Variants in NRIP1 observed in about 807,000 individuals in gnomAD.
NRIP1 encodes the protein nuclear receptor interacting protein 1.
In NRIP1, 28 loss-of-function variants were observed where a neutral mutation model predicts 75.0. The observed-to-expected ratio is 0.37, with a 90% CI of 0.28 to 0.51. The LOEUF (loss-of-function observed/expected upper bound fraction) is 0.51, where lower values mean the gene tolerates loss of function less well. Ranked by LOEUF, NRIP1 falls within the 20% of genes least tolerant of loss-of-function variation. The pLI, the probability that NRIP1 is intolerant of heterozygous loss-of-function variation, is 0.92. For synonymous variants in NRIP1, 526 were observed against 487.6 expected (o/e 1.08, Z -1.04); for missense variants, 1,435 against 1,343.7 (o/e 1.07, Z -1.06).
intron 1 of NRIP1, among the ~76,000 whole-genome samples, chr21:15,063,436 C>A (rs1291183233): frequency 6.6e-6 from 1 of 152,204 alleles, no homozygotes; most frequent in Admixed American, 6.5e-5. Context: ...AGGTGGAAAA[C>A]TGATGATTAA....
chr21:15,019,950 G>A (rs1160775378), intron 2 of NRIP1, among the ~76,000 whole-genome samples: 2 of 152,072 alleles, frequency 1.3e-5, no homozygotes, highest in Non-Finnish European at 2.9e-5. Flanking sequence ...TAAAACATGT[G>A]CACTCAAAAC....
chr21:15,050,512 G>T, intron 1 of NRIP1: 1 of 334,458 alleles, frequency 3.0e-6, no homozygotes, highest in Non-Finnish European at 5.9e-6. Context: ...TAGTATTTGT[G>T]TATCTTTAAA....
intron 1 of NRIP1, among the ~76,000 whole-genome samples, chr21:15,057,899 TTCAATACTC>T (rs2089340888): frequency 6.6e-6 from 1 of 152,114 alleles, no homozygotes; most frequent in Non-Finnish European, 1.5e-5. Flanking sequence ...CCCCAAAAAG[TTCAATACTC>T]TTCCTTTCCC....
At chr21:15,017,263 G>A (rs781186376) in intron 2 of NRIP1, among the ~76,000 whole-genome samples, 4 of 152,110 alleles carry the variant, frequency 2.6e-5, no homozygotes, top group Non-Finnish European at 1.5e-5. Flanking sequence ...TCGCTATGTT[G>A]CTCAGGCTGG....
rs780304102 is a variant in NRIP1, at chr21:14,961,284, C to T, written c.*3432G>A. The T allele has an allele frequency of 6.6e-6, 1 of 152,176 alleles. No individual in the cohort carries two copies. The highest frequency in any genetic ancestry group is 1.5e-5 in the Non-Finnish European group (1 of 67,864). 9.4% of individuals were successfully genotyped at this position (152,176 alleles called of 1,614,324 possible). ...TCAAATTCACTGCAGGAAGTAAACA[C>T]TAAAAGATTAAAAAACAAAACAAAA... On this transcript the variant is annotated 3_prime_UTR_variant, in exon 4 of 4. Coordinates refer to ENST00000318948, the MANE Select transcript of NRIP1 (RefSeq NM_003489.4).
chr21:15,031,403 C>T (rs112820602), intron 2 of NRIP1, among the ~76,000 whole-genome samples: 4 of 121,448 alleles, frequency 3.3e-5, no homozygotes, highest in Non-Finnish European at 3.4e-5. Context: ...GGAGGATCAC[C>T]ACATTCCCTT....
rs80214372 is a variant in NRIP1, at chr21:15,031,321, G to A, written c.-458+12174C>T. Among the ~76,000 whole-genome samples, 24 of 144,090 alleles carry A rather than the reference G, an allele frequency of 1.7e-4. No individual in the cohort carries two copies. The East Asian group carries it at 5.8e-3, about 35-fold the overall frequency. The allele number at this position is 144,090 out of a possible 152,430, so 94.5% of individuals were successfully genotyped here. ...GGTTCACCACATTCCCTTTCTATGT[G>A]TATACACTCTGGAAGGCGCTCGGAG... On this transcript the variant is annotated intron_variant, in intron 2 of 3. Coordinates refer to ENST00000318948, the MANE Select transcript of NRIP1 (RefSeq NM_003489.4).
chr21:14,968,931 G>C (rs757011440), intron 3 of NRIP1, among the ~76,000 whole-genome samples: 1 of 152,112 alleles, frequency 6.6e-6, no homozygotes, highest in Non-Finnish European at 1.5e-5. Flanking sequence ...TGGGCACTTA[G>C]GAAGAAACAA....
rs2086686319 is a variant in NRIP1 at position 14,964,994 on chromosome 21, T to C, written c.3199A>G (p.Ile1067Val). ...CCTTTTTGAAGCATGTAATATAGTA[T>C]TGGGTTGGTTTTGGTCAATCTTGGA... Reference protein sequence around the residue: ...DSPRLTKTNPILYYMLQKGGN... With the variant: ...DSPRLTKTNPVLYYMLQKGGN... The change falls in exon 4 of 4, where the codon ATA becomes GTA. Residue 1067 changes from isoleucine to valine, a missense_variant. Coordinates refer to ENST00000318948, the MANE Select transcript of NRIP1 (RefSeq NM_003489.4). 2 of 1,614,012 alleles carry C rather than the reference T, an allele frequency of 1.2e-6. No homozygotes were observed. The highest frequency in any genetic ancestry group is 1.7e-6 in the Non-Finnish European group (2 of 1,179,920).
Position 15,053,334 on chromosome 21 carries a change from AAAAT to A in NRIP1, c.-537-9764_-537-9761del, listed in dbSNP as rs770095691. Among the ~76,000 whole-genome samples the A allele has an allele frequency of 1.8e-4, 27 of 152,332 alleles. 1 individual carries two copies. Among genetic ancestry groups the A allele is most frequent in the Middle Eastern group, 3.4e-3 (1 of 294 alleles). Reference sequence around the variant, plus strand: ...GAATACCCATGGATGTGTAAAATGTAAAATAAATAGATAGATGTATGGTCAAAGC... The same window carrying A: ...GAATACCCATGGATGTGTAAAATGTAAAATAGATAGATGTATGGTCAAAGC... On this transcript the variant is annotated intron_variant, in intron 1 of 3. Coordinates refer to ENST00000318948, the MANE Select transcript of NRIP1 (RefSeq NM_003489.4).
chr21:15,057,749 C>T (rs2089337632), intron 1 of NRIP1, among the ~76,000 whole-genome samples: 2 of 152,176 alleles, frequency 1.3e-5, no homozygotes, highest in Non-Finnish European at 1.5e-5. Flanking sequence ...GGCAAGTTAA[C>T]TATTCTTGCA....
At position 14,966,060 on chromosome 21, in the gene NRIP1, A is replaced by T; in HGVS notation, c.2133T>A (p.Thr711=). 3 of 1,612,876 alleles carry T rather than the reference A, an allele frequency of 1.9e-6. No homozygotes were observed. In the South Asian group the frequency reaches 3.3e-5, roughly 18 times the overall value. Residue 711 remains threonine, a synonymous_variant, in exon 4 of 4, where the codon ACT becomes ACA. Coordinates refer to ENST00000318948, the MANE Select transcript of NRIP1 (RefSeq NM_003489.4). Reference sequence around the variant, plus strand: ...GGTTCCCCAGGAGCAACTGGAGGACAGTACGTCTTTCAAGCAGATTTTCTA... The same window carrying T: ...GGTTCCCCAGGAGCAACTGGAGGACTGTACGTCTTTCAAGCAGATTTTCTA... ...SEIENLLERR[T]VLQLLLGNPN... is the part of the protein sequence containing the mutation.
At chr21:15,006,494 A>G (rs2147139264) in intron 3 of NRIP1, among the ~76,000 whole-genome samples, 1 of 152,334 alleles carries the variant, frequency 6.6e-6, no homozygotes, top group Non-Finnish European at 1.5e-5. Flanking sequence ...TTAAATCACA[A>G]TATATGCTAA....
intron 3 of NRIP1, among the ~76,000 whole-genome samples, chr21:14,981,149 A>G (rs2087222055): frequency 6.6e-6 from 1 of 152,386 alleles, no homozygotes; most frequent in Non-Finnish European, 1.5e-5. Context: ...TGCACAATGT[A>G]CCTGCAGAAA....
intron 3 of NRIP1, among the ~76,000 whole-genome samples, chr21:14,980,490 A>G (rs1473394397): frequency 6.6e-6 from 1 of 151,822 alleles, no homozygotes; most frequent in Non-Finnish European, 1.5e-5. Context: ...AATAAAATAA[A>G]ATAAAAATAA....
In NRIP1 at chr21:14,965,035, T is replaced by G. The variant is rs761188270; in HGVS notation, c.3158A>C (p.Glu1053Ala). Reference protein sequence around the residue: ...KWVITDAEKNEYEKDSPRLTK... With the variant: ...KWVITDAEKNAYEKDSPRLTK... ...CAATCTTGGAGAGTCTTTTTCATAC[T>G]CATTCTTCTCCGCATCAGTGATAAC... The change falls in exon 4 of 4, where the codon GAG becomes GCG. Residue 1053 changes from glutamate (E) to alanine (A), a missense_variant. Transcript: ENST00000318948. The G allele has an allele frequency of 3.7e-6, 6 of 1,613,972 alleles. No individual in the cohort carries two copies. In the East Asian group the frequency reaches 1.3e-4, roughly 36 times the overall value.
chr21:14,975,243 A>G (rs1249696219), intron 3 of NRIP1, among the ~76,000 whole-genome samples: 3 of 152,272 alleles, frequency 2.0e-5, no homozygotes, highest in African/African-American at 4.8e-5. Flanking sequence ...AAGTATTAGC[A>G]TCAGTTTTTT....
chr21:15,065,207 C>T (rs1978781433), upstream of NRIP1, among the ~76,000 whole-genome samples: 1 of 152,100 alleles, frequency 6.6e-6, no homozygotes, highest in African/African-American at 2.4e-5. Flanking sequence ...CTCACAGGAG[C>T]TGCGGAACCC....
At chr21:14,998,471 A>T (rs757136847) in intron 3 of NRIP1, among the ~76,000 whole-genome samples, 1 of 152,236 alleles carries the variant, frequency 6.6e-6, no homozygotes. Context: ...TCCTCTGCAA[A>T]GCCATGACTA....
Sources: allele counts gnomAD v4.1 joint callset (sites outside exome capture counted in the v4.1 genomes callset), GRCh38; gene constraint gnomAD v4.1.1; transcripts MANE v1.5; gene names NCBI Gene and HGNC (gene_info 2026-07-23, HGNC 2026-07-21).